PLEC: variants seen among roughly 807,000 people sequenced by gnomAD.
PLEC encodes plectin.
A neutral mutation model predicts 392.8 loss-of-function variants in PLEC; 216 were observed. The ratio of observed to expected loss-of-function variants is 0.55; its 90% CI spans 0.49 to 0.62. The LOEUF (loss-of-function observed/expected upper bound fraction) is 0.62, where lower values mean the gene tolerates loss of function less well. PLEC is among the 20% of genes least tolerant of loss of function. PLEC has a pLI of 0.00. For synonymous variants in PLEC, 3,621 were observed against 2,980.6 expected (o/e 1.21, Z -7.00); for missense variants, 6,863 against 6,563.4 (o/e 1.05, Z -1.58).
In PLEC at chr8:143,916,420, G is replaced by T; in HGVS notation, c.13401C>A (p.Ala4467=). ...EGTGLRLLEA[A]AQSTKGYYSP... ...TGTAGTAGCCCTTGGTGGACTGCGC[G>T]GCAGCCTCCAGCAGCCGCAGCCCCG... Residue 4467 remains alanine, a synonymous_variant, in exon 32 of 32, where the codon GCC becomes GCA. Coordinates refer to ENST00000345136, the MANE Select transcript of PLEC (RefSeq NM_201384.3). The T allele has an allele frequency of 1.2e-6, 2 of 1,611,606 alleles. No homozygotes were observed. Among genetic ancestry groups the T allele is most frequent in the Non-Finnish European group, 1.7e-6 (2 of 1,179,424 alleles).
At chr8:143,935,760 T>C (rs1047189288) in intron 6 of PLEC, 88 bp downstream of exon 6, 13 of 1,443,178 alleles carry the variant, frequency 9.0e-6, no homozygotes, top group East Asian at 7.0e-5. Flanking sequence ...CCTGCCCTCC[T>C]CCCTGCCCCA....
chr8:143,931,577 G>C lies in PLEC; in HGVS notation c.2261C>G (p.Ser754Cys). Residue 754 changes from serine (S) to cysteine (C), a missense_variant, in exon 19 of 32, where the codon TCC becomes TGC. Coordinates refer to ENST00000345136, the MANE Select transcript of PLEC (RefSeq NM_201384.3). ...ALRRKYSCDR[S>C]ATVTRLEDLL... ...GTCCTCCAGCCGGGTGACGGTGGCG[G>C]AGCGATCACAACTGTATTTCCTACG... The C allele has an allele frequency of 6.3e-7, 1 of 1,597,968 alleles. No homozygotes were observed. The highest frequency in any genetic ancestry group is 1.7e-5 in the Admixed American group (1 of 57,940).
upstream of PLEC, chr8:143,958,852 G>T: frequency 4.0e-6 from 1 of 252,034 alleles, no homozygotes; most frequent in East Asian, 1.1e-4. The surrounding 1 kb of genome is among the most constrained non-coding windows in gnomAD (Gnocchi z 4.9). Flanking sequence ...ACACGAAGGT[G>T]TCACCACAGG....
intron 10 of PLEC, 80 bp downstream of exon 10, chr8:143,934,555 G>A (rs1294949502): frequency 3.1e-6 from 5 of 1,600,862 alleles, no homozygotes; most frequent in Non-Finnish European, 4.3e-6. Context: ...CCCAAAGGCA[G>A]GGCCAGGTCG....
chr8:143,946,303 C>A, intron 1 of PLEC: 2 of 1,256,852 alleles, frequency 1.6e-6, no homozygotes, highest in African/African-American at 1.5e-5. Flanking sequence ...GAGGCGGCCC[C>A]GGCCCTCTCC....
intron 25 of PLEC, among the ~76,000 whole-genome samples, chr8:143,928,792 C>T (rs1400815052): frequency 2.6e-5 from 4 of 152,202 alleles, no homozygotes; most frequent in Admixed American, 2.0e-4. Context: ...GGATTCCTTA[C>T]TGTGCCACTG....
Position 143,934,887 on chromosome 8 carries a change from G to A in PLEC, c.868C>T (p.Leu290=), listed in dbSNP as rs1323601645. Residue 290 remains leucine (L), a synonymous_variant, in exon 9 of 32, where the codon CTG becomes TTG. Coordinates refer to ENST00000345136, the MANE Select transcript of PLEC (RefSeq NM_201384.3). ...RWQEYRELVL[L]LLQWMRHHTA... The stretch of plus-strand genomic sequence containing the variant: ...TGGTGTCGCATCCACTGAAGCAGCA[G>A]CAGCACCAGCTCCCGGTACTCCTGC... 1.9e-6 allele frequency: 3 copies of A among 1,611,306 alleles called. No individual in the cohort carries two copies. Among genetic ancestry groups the A allele is most frequent in the Admixed American group, 1.7e-5 (1 of 59,974 alleles).
In PLEC at chr8:143,973,357, G is replaced by T; in HGVS notation, c.70+46C>A. On this transcript the variant is annotated intron_variant, in intron 1 of 31. Coordinates refer to the PLEC transcript ENST00000356346. The surrounding 1 kb of genome is among the most constrained non-coding windows in gnomAD (Gnocchi z 5.6). ...GTGGACGACAAGGTGCTCGGCGGCT[G>T]GGCTGTCAGGAGCGGCCCGACAGGC... The T allele has an allele frequency of 6.5e-7, 1 of 1,544,810 alleles. No individual in the cohort carries two copies. Among genetic ancestry groups the T allele is most frequent in the East Asian group, 2.5e-5 (1 of 40,182 alleles).
intron 31 of PLEC, 29 bp from the exon 32 acceptor site, chr8:143,922,424 C>T (rs1554689690): frequency 6.2e-7 from 1 of 1,600,540 alleles, no homozygotes. Flanking sequence ...TGATCAGGGA[C>T]CGCCAGCCCA....
rs374178650 is a variant in PLEC at position 143,921,802 on chromosome 8, C to A, written c.8019G>T (p.Ala2673=). 12 of 1,609,518 alleles carry A rather than the reference C, an allele frequency of 7.5e-6. No homozygotes were observed. The African/African-American group carries it at 1.3e-4, about 18-fold the overall frequency. ...GCTCGTCCACCGTGGTGTGGCCCTG[C>A]GCCAACCGCTGCAGCTCCTCCGCAC... The part of the protein sequence containing the change: ...ILSAEELQRL[A]QGHTTVDELA... Residue 2673 remains alanine (A), a synonymous_variant, in exon 32 of 32, where the codon GCG becomes GCT. Transcript: ENST00000345136.
intron 1 of PLEC, chr8:143,945,218 G>A (rs782494096): frequency 2.0e-6 from 1 of 492,300 alleles, no homozygotes; most frequent in South Asian, 1.5e-5. Flanking sequence ...GCGCAGGCCA[G>A]AGACCCAGGC....
At chr8:143,971,368 G>A (rs1554744270) in intron 1 of PLEC, among the ~76,000 whole-genome samples, 1 of 152,114 alleles carries the variant, frequency 6.6e-6, no homozygotes, top group African/African-American at 2.4e-5. Context: ...CCAGGACAGG[G>A]GCCCGCAGCT....
At chr8:143,953,700 G>A (rs782128630), upstream of PLEC, 2 of 1,605,850 alleles carry the variant, frequency 1.2e-6, no homozygotes, top group Non-Finnish European at 1.7e-6. Context: ...GCGCCCCCCG[G>A]CTCGGGCCCG....
rs782066196 is a variant in PLEC, at chr8:143,920,993, C to T, written c.8828G>A (p.Arg2943Gln). 19 of 1,612,980 alleles carry T rather than the reference C, an allele frequency of 1.2e-5. No individual in the cohort carries two copies. The East Asian group carries it at 1.3e-4, about 11-fold the overall frequency. ...FTAEQRRDLL[R>Q]QFRTGRITVE... ...TGTGATCCGGCCCGTGCGGAACTGCCGCAGCAGGTCCCGCCGCTGCTCTGC... is the reference window on the plus strand; with the variant it reads ...TGTGATCCGGCCCGTGCGGAACTGCTGCAGCAGGTCCCGCCGCTGCTCTGC... Residue 2943 changes from arginine to glutamine, a missense_variant, in exon 32 of 32, where the codon CGG (arginine) becomes CAG (glutamine). Transcript: ENST00000345136.
chr8:143,929,796 C>A lies in PLEC; in HGVS notation c.2773G>T (p.Ala925Ser), dbSNP rs1374096637. Residue 925 changes from alanine (A) to serine (S), a missense_variant, in exon 23 of 32, where the codon GCC (alanine) becomes TCC (serine). Coordinates refer to ENST00000345136, the MANE Select transcript of PLEC (RefSeq NM_201384.3). The part of the protein sequence containing the change: ...RTLKPEEQRQ[A>S]LHSLELHYQA... ...TAGTGCAGCTCCAGGCTGTGCAGGGCTTGGCGCTGCTCCTCTGGCTTCAGG... is the reference window on the plus strand; with the variant it reads ...TAGTGCAGCTCCAGGCTGTGCAGGGATTGGCGCTGCTCCTCTGGCTTCAGG... The A allele has an allele frequency of 6.3e-7, 1 of 1,599,610 alleles. No individual in the cohort carries two copies. Among genetic ancestry groups the A allele is most frequent in the East Asian group, 2.2e-5 (1 of 44,802 alleles).
At chr8:143,936,767 G>A (rs1157861180) in intron 5 of PLEC, among the ~76,000 whole-genome samples, 7 of 152,206 alleles carry the variant, frequency 4.6e-5, no homozygotes, top group African/African-American at 1.7e-4. Context: ...GCACGGATAG[G>A]TGGCCTCAGA....
Position 143,924,196 on chromosome 8 carries a change from C to A in PLEC, c.5733G>T (p.Gly1911=), listed in dbSNP as rs782623935. The A allele has an allele frequency of 6.3e-7, 1 of 1,599,104 alleles. No individual in the cohort carries two copies. Among genetic ancestry groups the A allele is most frequent in the Non-Finnish European group, 8.5e-7 (1 of 1,179,550 alleles). Reference sequence around the variant, plus strand: ...GCTGCCTCAGCGTGTCCTCCACCAGCCCCTTCTGCCGCTCCAGCTCGCTGT... The same window carrying A: ...GCTGCCTCAGCGTGTCCTCCACCAGACCCTTCTGCCGCTCCAGCTCGCTGT... The part of the protein sequence containing the change: ...ASDSELERQK[G]LVEDTLRQRR... Residue 1911 remains glycine, a synonymous_variant, in exon 31 of 32, where the codon GGG becomes GGT. Coordinates refer to ENST00000345136, the MANE Select transcript of PLEC (RefSeq NM_201384.3).
chr8:143,944,003 G>A (rs890951984), upstream of PLEC: 420 of 1,506,508 alleles, frequency 2.8e-4, 1 homozygote, highest in Non-Finnish European at 3.2e-4. Context: ...GCCGGGACCG[G>A]AGCCTGCCCT....
Position 143,932,469 on chromosome 8 carries a change from C to T in PLEC, c.1908G>A (p.Glu636=), listed in dbSNP as rs1424171535. The T allele has an allele frequency of 6.2e-7, 1 of 1,612,818 alleles. No individual in the cohort carries two copies. The highest frequency in any genetic ancestry group is 8.5e-7 in the Non-Finnish European group (1 of 1,180,004). The change falls in exon 16 of 32, where the codon GAG becomes GAA. Residue 636 remains glutamate (E), a synonymous_variant. Coordinates refer to ENST00000345136, the MANE Select transcript of PLEC (RefSeq NM_201384.3). The part of the protein sequence containing the change: ...TKELMWLNEK[E]EEEVGFDWSD... ...TCCAGTCGAAGCCCACCTCCTCCTC[C>T]TCCTTCTCATTCAGCCACATTAGCT...
Sources: allele counts gnomAD v4.1 joint callset (sites outside exome capture counted in the v4.1 genomes callset), GRCh38; gene constraint gnomAD v4.1.1; non-coding constraint Gnocchi (gnomAD v3.1); transcripts MANE v1.5; gene names NCBI Gene and HGNC (gene_info 2026-07-23, HGNC 2026-07-21).